Variants in PSPH observed in about 807,000 individuals in gnomAD.
PSPH encodes the protein L-3-phosphoserine phosphatase.
PSPH carries 16 observed loss-of-function variants against 23.4 expected under a neutral mutation model. The observed-to-expected ratio is 0.68, with a 90% CI of 0.46 to 1.04. The LOEUF is 1.04. Among genes scored for constraint, PSPH ranks in the 50% least tolerant of loss-of-function variants. The probability of loss-of-function intolerance (pLI) is 0.00; values close to 1 mark genes in which losing one functional copy is unlikely to be tolerated. For missense variants in PSPH, 223 were observed against 273.7 expected (o/e 0.81, Z 1.31); for synonymous variants, 68 against 99.7 (o/e 0.68, Z 1.89).
At chr7:56,031,172 C>T (rs528582008) in intron 3 of PSPH, among the ~76,000 whole-genome samples, 53 of 150,940 alleles carry the variant, frequency 3.5e-4, no homozygotes, top group South Asian at 2.5e-3. Flanking sequence ...GATTCCGCCA[C>T]TGCAGTCCGC....
intron 4 of PSPH, 116 bp from the exon 5 acceptor site, chr7:56,019,850 A>G (rs746338622): frequency 2.4e-6 from 3 of 1,226,246 alleles, no homozygotes; most frequent in Middle Eastern, 5.3e-4. Flanking sequence ...CCAAGAGCCC[A>G]GTGTGCAACA....
chr7:56,034,534 G>C (rs553804413), intron 1 of PSPH, among the ~76,000 whole-genome samples: 48 of 150,144 alleles, frequency 3.2e-4, no homozygotes, highest in African/African-American at 1.1e-3. Context: ...TTTTTTTTTT[G>C]AGACGGAGTC....
intron 1 of PSPH, among the ~76,000 whole-genome samples, chr7:56,047,353 C>T (rs1793384562): frequency 6.6e-6 from 1 of 151,078 alleles, no homozygotes; most frequent in East Asian, 1.9e-4. Flanking sequence ...TGAGCTACTG[C>T]ACTCCAGCCT....
intron 5 of PSPH, among the ~76,000 whole-genome samples, chr7:56,018,058 G>A (rs1409000817): frequency 2.0e-5 from 3 of 151,780 alleles, no homozygotes; most frequent in Non-Finnish European, 4.4e-5. Flanking sequence ...GAAATCAATG[G>A]GTAGGGGCTG....
chr7:56,034,603 C>T lies in PSPH; in HGVS notation c.-291-497G>A, dbSNP rs1371477842. ...CGATCTCGGCTCACTGCAAGCTCCGCCTCCTGGATTCACGGTATTCTCCTG... is the reference window on the plus strand; with the variant it reads ...CGATCTCGGCTCACTGCAAGCTCCGTCTCCTGGATTCACGGTATTCTCCTG... On this transcript the variant is annotated intron_variant, in intron 1 of 7. Coordinates refer to ENST00000275605, the MANE Select transcript of PSPH (RefSeq NM_004577.4). Among the ~76,000 whole-genome samples, 4 of 152,240 alleles carry T rather than the reference C, an allele frequency of 2.6e-5. No homozygotes were observed. The East Asian group carries it at 7.8e-4, about 30-fold the overall frequency.
chr7:56,011,677 A>T lies in PSPH; in HGVS notation c.*85T>A. 1 of 1,063,516 alleles carries T rather than the reference A, an allele frequency of 9.4e-7. No individual in the cohort carries two copies. Among genetic ancestry groups the T allele is most frequent in the Non-Finnish European group, 1.5e-6 (1 of 684,720 alleles). The allele number at this position is 1,063,516 out of a possible 1,614,324, so 65.9% of individuals were successfully genotyped here. Reference sequence around the variant, plus strand: ...TACCAACTTTCTATAGCAAGTTGTAATAGGCAACTGTAAGCAAACAGTATC... The same window carrying T: ...TACCAACTTTCTATAGCAAGTTGTATTAGGCAACTGTAAGCAAACAGTATC... On this transcript the variant is annotated 3_prime_UTR_variant, in exon 8 of 8. Coordinates refer to ENST00000275605, the MANE Select transcript of PSPH (RefSeq NM_004577.4).
intron 1 of PSPH, among the ~76,000 whole-genome samples, chr7:56,046,224 C>A (rs1935610021): frequency 6.6e-6 from 1 of 152,112 alleles, no homozygotes; most frequent in Admixed American, 6.6e-5. Flanking sequence ...GCAACCTCTG[C>A]TTCCTGGGTT....
In PSPH at chr7:56,015,019, A is replaced by C; in HGVS notation, c.570+4T>G. 6.2e-7 allele frequency: 1 copy of C among 1,613,806 alleles called. No individual in the cohort carries two copies. Among genetic ancestry groups the C allele is most frequent in the South Asian group, 1.1e-5 (1 of 91,020 alleles). Reference sequence around the variant, plus strand: ...GAAAAAAAATTAGCACCCTTAATACATACAGCAGGAGGACAGGCTTCCATA... The same window carrying C: ...GAAAAAAAATTAGCACCCTTAATACCTACAGCAGGAGGACAGGCTTCCATA... On this transcript the variant is annotated splice_donor_region_variant and intron_variant, in intron 7 of 7. Coordinates refer to ENST00000275605, the MANE Select transcript of PSPH (RefSeq NM_004577.4).
At chr7:56,046,086 C>T (rs1793201179) in intron 1 of PSPH, among the ~76,000 whole-genome samples, 1 of 152,024 alleles carries the variant, frequency 6.6e-6, no homozygotes, top group South Asian at 2.1e-4. Flanking sequence ...AAGGAACACT[C>T]AGCTCGGGGA....
intron 1 of PSPH, among the ~76,000 whole-genome samples, chr7:56,050,399 G>C (rs905476020): frequency 1.3e-5 from 2 of 152,138 alleles, no homozygotes; most frequent in Non-Finnish European, 2.9e-5. Flanking sequence ...CCAAGTAGCT[G>C]GGATCACAGA....
chr7:56,025,250 C>A lies in PSPH; in HGVS notation c.-19-4019G>T, dbSNP rs899136827. Among the ~76,000 whole-genome samples, 18 of 151,952 alleles carry A rather than the reference C, an allele frequency of 1.2e-4. 1 individual carries two copies. Among genetic ancestry groups the A allele is most frequent in the African/African-American group, 4.4e-4 (18 of 41,368 alleles). ...CATTTTTACACACACACATTATTCA[C>A]ATGCACATGCACACACATACACACA... On this transcript the variant is annotated intron_variant, in intron 3 of 7. Coordinates refer to ENST00000275605, the MANE Select transcript of PSPH (RefSeq NM_004577.4).
chr7:56,039,560 G>A (rs1299217160), intron 1 of PSPH, among the ~76,000 whole-genome samples: 2 of 151,818 alleles, frequency 1.3e-5, no homozygotes, highest in African/African-American at 4.8e-5. Context: ...GGCAGATCAC[G>A]ATGTCAGGAG....
chr7:56,021,425 C>CTTTCT (rs1789421448), intron 3 of PSPH, among the ~76,000 whole-genome samples, 194 bp from the exon 4 acceptor site: 2 of 130,770 alleles, frequency 1.5e-5, no homozygotes, highest in East Asian at 2.3e-4. Flanking sequence ...TTCTTTCTTT[C>CTTTCT]TTTTTTTTTT....
intron 6 of PSPH, among the ~76,000 whole-genome samples, chr7:56,016,596 G>A (rs1261413335): frequency 2.6e-5 from 4 of 151,614 alleles, no homozygotes; most frequent in Non-Finnish European, 2.9e-5. Context: ...TAAAGACAGG[G>A]TCTCGCTCTG....
chr7:56,017,155 T>C (rs1788666733), intron 6 of PSPH, 79 bp downstream of exon 6: 1 of 1,581,968 alleles, frequency 6.3e-7, no homozygotes, highest in Non-Finnish European at 8.6e-7. Flanking sequence ...ACTGTTCAAG[T>C]TGCATTCCAA....
chr7:56,047,709 C>A (rs1336230004), intron 1 of PSPH, among the ~76,000 whole-genome samples: 1 of 151,518 alleles, frequency 6.6e-6, no homozygotes, highest in Non-Finnish European at 1.5e-5. Context: ...CTCTGTCACC[C>A]AGGCTGGAGT....
At chr7:56,016,823 C>T (rs1044524635) in intron 6 of PSPH, among the ~76,000 whole-genome samples, 5 of 152,014 alleles carry the variant, frequency 3.3e-5, no homozygotes, top group African/African-American at 7.2e-5. Flanking sequence ...GTGATCCTCC[C>T]GCCTCAGGCT....
chr7:56,013,146 T>G (rs1285371168), intron 7 of PSPH, among the ~76,000 whole-genome samples: 2 of 121,990 alleles, frequency 1.6e-5, no homozygotes, highest in Admixed American at 9.6e-5. Flanking sequence ...TACGTATATG[T>G]GTATGTGTAT....
At chr7:56,017,715 A>ATTT (rs1788759696) in intron 5 of PSPH, among the ~76,000 whole-genome samples, 6 of 41,964 alleles carry the variant, frequency 1.4e-4, no homozygotes, top group Admixed American at 2.6e-4. Context: ...ACACCCAGTT[A>ATTT]CTTTTTTTTT....
Sources: allele counts gnomAD v4.1 joint callset (sites outside exome capture counted in the v4.1 genomes callset), GRCh38; gene constraint gnomAD v4.1.1; transcripts MANE v1.5; gene names NCBI Gene and HGNC (gene_info 2026-07-23, HGNC 2026-07-21).